Variants in MCPH1 observed in about 807,000 individuals in gnomAD.
MCPH1 encodes microcephalin 1.
In MCPH1, 104 loss-of-function variants were observed where a neutral mutation model predicts 84.5. The ratio of observed to expected loss-of-function variants is 1.23; its 90% CI spans 1.05 to 1.45. MCPH1 has a LOEUF of 1.45. MCPH1 is among the 40% of genes most tolerant of loss of function. The pLI is 0.00. For synonymous variants in MCPH1, 514 were observed against 366.8 expected (o/e 1.40, Z -4.58); for missense variants, 1,498 against 1,005.7 (o/e 1.49, Z -6.62).
chr8:6,426,327 C>A (rs539397042), intron 3 of MCPH1, among the ~76,000 whole-genome samples: 2 of 152,290 alleles, frequency 1.3e-5, no homozygotes, highest in Non-Finnish European at 2.9e-5. Flanking sequence ...TCCTTCGTGT[C>A]CATTTGCTGT....
chr8:6,424,614 C>A (rs956059912), intron 3 of MCPH1, among the ~76,000 whole-genome samples: 1 of 152,222 alleles, frequency 6.6e-6, no homozygotes, highest in Non-Finnish European at 1.5e-5. Flanking sequence ...ATAGGAACGT[C>A]CCTCAGTTTG....
At chr8:6,588,231 C>T (rs1429417840) in intron 12 of MCPH1, among the ~76,000 whole-genome samples, 1 of 152,166 alleles carries the variant, frequency 6.6e-6, no homozygotes, top group African/African-American at 2.4e-5. Context: ...GGAATAGCAG[C>T]AGCTGCTCTC....
intron 3 of MCPH1, among the ~76,000 whole-genome samples, chr8:6,429,312 G>A (rs1352482247): frequency 6.6e-6 from 1 of 152,100 alleles, no homozygotes; most frequent in Admixed American, 6.5e-5. Context: ...GCCCCCATTG[G>A]ACACAGGGTG....
At chr8:6,549,663 C>T (rs1823266203) in intron 12 of MCPH1, among the ~76,000 whole-genome samples, 2 of 144,190 alleles carry the variant, frequency 1.4e-5, no homozygotes, top group South Asian at 2.2e-4. Flanking sequence ...GAGGGAGCTG[C>T]CTGCAGGGGA....
intron 1 of MCPH1, among the ~76,000 whole-genome samples, chr8:6,408,995 C>G (rs960387624): frequency 6.6e-6 from 1 of 151,948 alleles, no homozygotes; most frequent in African/African-American, 2.4e-5. Flanking sequence ...AAGTGATTCT[C>G]CTGCCTCAGC....
intron 12 of MCPH1, among the ~76,000 whole-genome samples, chr8:6,614,429 C>A (rs1351439857): frequency 6.6e-6 from 1 of 152,216 alleles, no homozygotes; most frequent in Non-Finnish European, 1.5e-5. Context: ...TTAATCAAAT[C>A]TTACCACAAC....
chr8:6,537,267 C>T (rs773231773), intron 12 of MCPH1, among the ~76,000 whole-genome samples: 5 of 152,042 alleles, frequency 3.3e-5, no homozygotes, highest in Non-Finnish European at 4.4e-5. Context: ...TGAATAGGTC[C>T]TGCTGTATAT....
At chr8:6,449,477 T>G (rs983261717) in intron 8 of MCPH1, among the ~76,000 whole-genome samples, 3 of 151,976 alleles carry the variant, frequency 2.0e-5, no homozygotes, top group African/African-American at 7.2e-5. Context: ...CTACTAAAAT[T>G]ACAAAATTAG....
At chr8:6,435,885 A>G (rs1157976639) in intron 4 of MCPH1, among the ~76,000 whole-genome samples, 163 bp from the exon 5 acceptor site, 2 of 152,230 alleles carry the variant, frequency 1.3e-5, no homozygotes, top group Non-Finnish European at 2.9e-5. Context: ...TAACTGCACA[A>G]AAAAATAAAT....
intron 9 of MCPH1, chr8:6,474,386 CAG>C (rs1808160538): frequency 3.1e-6 from 1 of 321,800 alleles, no homozygotes; most frequent in Admixed American, 4.6e-5. Flanking sequence ...GGACTGAACT[CAG>C]GGAGTCTGTG....
chr8:6,624,789 G>T, intron 13 of MCPH1: 2 of 984,902 alleles, frequency 2.0e-6, no homozygotes, highest in Non-Finnish European at 2.4e-6. Flanking sequence ...TAAACCTACA[G>T]AACACACAGT....
chr8:6,409,304 G>A lies in MCPH1; in HGVS notation c.48G>A (p.Trp16Ter). 1 of 1,613,944 alleles carries A rather than the reference G, an allele frequency of 6.2e-7. No individual in the cohort carries two copies. Among genetic ancestry groups the A allele is most frequent in the Non-Finnish European group, 8.5e-7 (1 of 1,179,882 alleles). ...LKDVVAYVEV[W>*]SSNGTENYSK... Reference sequence around the variant, plus strand: ...ATGTAGTGGCCTATGTTGAAGTGTGGTCATCCAATGGAACAGAAAATTATT... The same window carrying A: ...ATGTAGTGGCCTATGTTGAAGTGTGATCATCCAATGGAACAGAAAATTATT... The change falls in exon 2 of 14, where the codon TGG becomes TGA. Residue 16 changes from tryptophan (W) to a stop codon, truncating the protein, a stop_gained. Transcript: ENST00000344683. LOFTEE classifies it high-confidence loss of function.
intron 13 of MCPH1, chr8:6,626,136 T>TAAGA: frequency 1.0e-6 from 1 of 985,384 alleles, no homozygotes; most frequent in Non-Finnish European, 1.2e-6. Context: ...ATTTTACTTG[T>TAAGA]AAGAATTTCT....
Position 6,461,128 on chromosome 8 carries a change from T to C in MCPH1, c.1935+5876T>C, listed in dbSNP as rs114568257. Among the ~76,000 whole-genome samples the C allele has an allele frequency of 2.2e-3, 338 of 152,242 alleles. 4 individuals carry two copies. Among genetic ancestry groups the C allele is most frequent in the African/African-American group, 7.9e-3 (327 of 41,538 alleles). ...CACTAAACACCTGAATTGACATTAA[T>C]TCAGTTTCTCTTAAAGAGTGAAAAA... On this transcript the variant is annotated intron_variant, in intron 9 of 13. Transcript: ENST00000344683.
intron 9 of MCPH1, among the ~76,000 whole-genome samples, chr8:6,463,245 G>A (rs531215084): frequency 6.6e-6 from 1 of 152,124 alleles, no homozygotes; most frequent in Non-Finnish European, 1.5e-5. Flanking sequence ...TGAGTTCTGC[G>A]GTCAGAAATG....
intron 12 of MCPH1, among the ~76,000 whole-genome samples, chr8:6,562,286 C>A (rs891770501): frequency 2.0e-5 from 3 of 152,076 alleles, no homozygotes; most frequent in African/African-American, 7.2e-5. Context: ...CAGCTGAGAG[C>A]CTCCCTGGTG....
At chr8:6,419,128 T>TACACACACACAC (rs59016342) in intron 3 of MCPH1, among the ~76,000 whole-genome samples, 1 of 144,518 alleles carries the variant, frequency 6.9e-6, no homozygotes, top group African/African-American at 2.7e-5. Flanking sequence ...TATATACACA[T>TACACACACACAC]ACACACACAC....
chr8:6,411,091 A>G (rs61048567), intron 2 of MCPH1, among the ~76,000 whole-genome samples: 47,450 of 151,946 alleles, frequency 0.31, 8,877 homozygotes, highest in African/African-American at 0.53. Flanking sequence ...TTCTGTCTCC[A>G]AAAACCAAAA....
At chr8:6,540,108 C>T (rs1056803800) in intron 12 of MCPH1, among the ~76,000 whole-genome samples, 4 of 152,168 alleles carry the variant, frequency 2.6e-5, no homozygotes, top group Non-Finnish European at 4.4e-5. Flanking sequence ...TTGAGTGTAC[C>T]AGAATGTCTG....
Sources: gnomAD v4.1 joint callset for allele counts (sites outside exome capture counted in the v4.1 genomes callset) on GRCh38, gnomAD v4.1.1 for gene constraint, MANE v1.5 for transcripts, NCBI Gene and HGNC (gene_info 2026-07-23, HGNC 2026-07-21) for gene names.